Variants in SMYD4 observed in about 807,000 individuals in gnomAD.
SMYD4 encodes protein-lysine N-methyltransferase SMYD4.
Under a neutral mutation model 72.8 loss-of-function variants are expected in SMYD4, and 68 were observed. The observed-to-expected ratio is 0.93, with a 90% CI of 0.77 to 1.14. The LOEUF (loss-of-function observed/expected upper bound fraction) is 1.14, where lower values mean the gene tolerates loss of function less well. Ranked by LOEUF, SMYD4 falls within the 50% of genes most tolerant of loss-of-function variation. The pLI, the probability that SMYD4 is intolerant of heterozygous loss-of-function variation, is 0.00. For missense variants in SMYD4, 984 were observed against 1,003.7 expected (o/e 0.98, Z 0.27); for synonymous variants, 407 against 388.6 (o/e 1.05, Z -0.56).
chr17:1,781,039 C>T lies in SMYD4; in HGVS notation c.*247G>A. 3.0e-6 allele frequency: 1 copy of T among 328,100 alleles called. No homozygotes were observed. Among genetic ancestry groups the T allele is most frequent in the Non-Finnish European group, 5.6e-6 (1 of 178,772 alleles). 20.3% of individuals were successfully genotyped at this position (328,100 alleles called of 1,614,324 possible). A position where few individuals can be genotyped will look rare whatever the true frequency, so the allele number is the denominator to read the frequency against. On this transcript the variant is annotated 3_prime_UTR_variant, in exon 11 of 11. Coordinates refer to ENST00000305513, the MANE Select transcript of SMYD4 (RefSeq NM_052928.3). ...GGTTCAAGAGATTCTCCTGCCTCAG[C>T]CTCCCAAGTAGCTGGGATTACAGGT...
intron 2 of SMYD4, among the ~76,000 whole-genome samples, chr17:1,821,860 G>A (rs1475085204): frequency 2.6e-5 from 4 of 151,928 alleles, no homozygotes; most frequent in Non-Finnish European, 5.9e-5. Flanking sequence ...GAACCTGGGA[G>A]GCAGAGGTTG....
At chr17:1,811,347 A>T (rs565478712) in intron 3 of SMYD4, among the ~76,000 whole-genome samples, 2 of 152,156 alleles carry the variant, frequency 1.3e-5, no homozygotes, top group South Asian at 2.1e-4. Context: ...AGGCTAATTT[A>T]AAAAAAATTT....
chr17:1,827,095 G>GT (rs1313953240), intron 2 of SMYD4, among the ~76,000 whole-genome samples: 1 of 152,164 alleles, frequency 6.6e-6, no homozygotes, highest in Non-Finnish European at 1.5e-5. Flanking sequence ...GGAGATTGCA[G>GT]TGAGCTGAGA....
chr17:1,815,494 C>A (rs1169767259), intron 2 of SMYD4, among the ~76,000 whole-genome samples: 2 of 133,950 alleles, frequency 1.5e-5, no homozygotes, highest in African/African-American at 5.6e-5. Flanking sequence ...GTCACTGCAT[C>A]CAGCCGATTC....
Position 1,783,161 on chromosome 17 carries a change from G to A in SMYD4, c.2138-3C>T. 6.2e-7 allele frequency: 1 copy of A among 1,614,044 alleles called. No individual in the cohort carries two copies. The highest frequency in any genetic ancestry group is 8.5e-7 in the Non-Finnish European group (1 of 1,180,002). ...GGTGGCTGACTTTTGCCAGTCTCCTGTGAGAAGAGAAAAATCTTGTTCCAG... is the reference window on the plus strand; with the variant it reads ...GGTGGCTGACTTTTGCCAGTCTCCTATGAGAAGAGAAAAATCTTGTTCCAG... On this transcript the variant is annotated splice_polypyrimidine_tract_variant and splice_region_variant and intron_variant, in intron 9 of 10. Transcript: ENST00000305513.
Position 1,787,442 on chromosome 17 carries a change from TG to T in SMYD4, c.1699del (p.Gln567LysfsTer23), listed in dbSNP as rs1196917121. The T allele has an allele frequency of 2.6e-6, 4 of 1,558,358 alleles. No homozygotes were observed. The African/African-American group carries it at 5.4e-5, about 21-fold the overall frequency. ...IRASQRIRKGQEILHCYGPHK... is the reference protein window; with the variant it reads ...IRASQRIRKGXEILHCYGPHK... ...CTCACCATAGCAGTGGAGAATCTCT[TG>T]CCCCTTTCTAATCCGCTGTGACGCC... On this transcript the variant is annotated frameshift_variant, in exon 6 of 11. Transcript: ENST00000305513. LOFTEE classifies it high-confidence loss of function.
chr17:1,799,850 C>T lies in SMYD4; in HGVS notation c.1537+7G>A, dbSNP rs373718942. The stretch of plus-strand genomic sequence containing the variant: ...TTGAAAAGCAGGAACATCAGGTTCC[C>T]TCTTACCTGTGTGTTGTATGGTGGT... On this transcript the variant is annotated splice_region_variant and intron_variant, in intron 5 of 10. Coordinates refer to ENST00000305513, the MANE Select transcript of SMYD4 (RefSeq NM_052928.3). The T allele has an allele frequency of 4.5e-6, 7 of 1,570,780 alleles. No individual in the cohort carries two copies. The African/African-American group carries it at 8.1e-5, about 18-fold the overall frequency.
intron 2 of SMYD4, among the ~76,000 whole-genome samples, chr17:1,819,272 G>A (rs753925064): frequency 1.3e-5 from 2 of 152,132 alleles, no homozygotes; most frequent in Non-Finnish European, 2.9e-5. Context: ...CAGGAGAATC[G>A]CTTGAATACG....
chr17:1,786,641 T>C (rs564657131), intron 7 of SMYD4, among the ~76,000 whole-genome samples, 169 bp downstream of exon 7: 1 of 152,346 alleles, frequency 6.6e-6, no homozygotes, highest in East Asian at 1.9e-4. Flanking sequence ...CCTTTCCCTG[T>C]GGTTTCTCTG....
At chr17:1,817,864 G>A (rs569356221) in intron 2 of SMYD4, among the ~76,000 whole-genome samples, 18 of 152,024 alleles carry the variant, frequency 1.2e-4, no homozygotes, top group African/African-American at 3.6e-4. Flanking sequence ...TGGCTAACAT[G>A]GTGAAACCCC....
At chr17:1,817,667 TA>T (rs1276450186) in intron 2 of SMYD4, among the ~76,000 whole-genome samples, 5 of 152,208 alleles carry the variant, frequency 3.3e-5, no homozygotes, top group Admixed American at 6.6e-5. Context: ...AAGTACAGTT[TA>T]TTTTTTTTGT....
intron 7 of SMYD4, among the ~76,000 whole-genome samples, chr17:1,785,417 ACT>A (rs749947917): frequency 1.6e-5 from 2 of 123,228 alleles, no homozygotes; most frequent in East Asian, 4.8e-4. Context: ...CATGAGAGAG[ACT>A]CTGTCTCACA....
chr17:1,827,933 G>A lies in SMYD4; in HGVS notation c.62C>T (p.Thr21Met), dbSNP rs753496607. Residue 21 changes from threonine to methionine, a missense_variant, in exon 2 of 11, where the codon ACG (threonine) becomes ATG (methionine). Thr to Met is a moderately conservative substitution (Grantham distance 81, BLOSUM62 -1). Coordinates refer to ENST00000305513, the MANE Select transcript of SMYD4 (RefSeq NM_052928.3). ...YLLQKWASLP[T>M]SVQVTISTAE... Reference sequence around the variant, plus strand: ...TGTAGAAATTGTGACCTGAACAGACGTCGGGAGTGAAGCCCACTTTTGAAG... The same window carrying A: ...TGTAGAAATTGTGACCTGAACAGACATCGGGAGTGAAGCCCACTTTTGAAG... 14 of 1,613,518 alleles carry A rather than the reference G, an allele frequency of 8.7e-6. No individual in the cohort carries two copies. The highest frequency in any genetic ancestry group is 5.3e-5 in the African/African-American group (4 of 74,906).
chr17:1,784,225 T>C, intron 8 of SMYD4, 101 bp downstream of exon 8: 1 of 1,535,618 alleles, frequency 6.5e-7, no homozygotes, highest in Non-Finnish European at 8.8e-7. Context: ...GATAATTACA[T>C]CCAATTCTCC....
At chr17:1,790,931 C>T (rs966639683) in intron 5 of SMYD4, among the ~76,000 whole-genome samples, 11 of 151,140 alleles carry the variant, frequency 7.3e-5, no homozygotes, top group African/African-American at 2.2e-4. Flanking sequence ...TCGAGACCTT[C>T]CTGGCTAACA....
rs938750056 is a variant in SMYD4, at chr17:1,800,421, G to A, written c.973C>T (p.Gln325Ter). 1.1e-5 allele frequency: 17 copies of A among 1,614,172 alleles called. No individual in the cohort carries two copies. The highest frequency in any genetic ancestry group is 1.4e-5 in the Non-Finnish European group (16 of 1,180,042). Reference sequence around the variant, plus strand: ...GTCCTGTGGTAGAGCTCCCAGGCCTGCTGCAAACACTCCTGGCTGCAATAC... The same window carrying A: ...GTCCTGTGGTAGAGCTCCCAGGCCTACTGCAAACACTCCTGGCTGCAATAC... ...AKYCSQECLQ[Q>*]AWELYHRTEC... The change falls in exon 5 of 11, where the codon CAG becomes TAG. Residue 325 changes from glutamine to a stop codon, truncating the protein, a stop_gained. Transcript: ENST00000305513. LOFTEE classifies it high-confidence loss of function.
At chr17:1,818,983 G>T (rs1910765594) in intron 2 of SMYD4, among the ~76,000 whole-genome samples, 1 of 151,650 alleles carries the variant, frequency 6.6e-6, no homozygotes, top group South Asian at 2.1e-4. Context: ...TTTTTTTAAA[G>T]ATTCAACACC....
intron 3 of SMYD4, 119 bp from the exon 4 acceptor site, chr17:1,804,834 C>T: frequency 1.1e-6 from 1 of 913,780 alleles, no homozygotes; most frequent in Non-Finnish European, 1.7e-6. Flanking sequence ...GTTACTGAAC[C>T]TCTTTGTGCT....
chr17:1,814,602 G>C (rs1340083133), intron 2 of SMYD4: 1 of 152,114 alleles, frequency 6.6e-6, no homozygotes, highest in Non-Finnish European at 1.5e-5. Flanking sequence ...GAGGTGGGCA[G>C]GTCACCTGGT....
Sources: gnomAD v4.1 joint callset for allele counts (sites outside exome capture counted in the v4.1 genomes callset) on GRCh38, gnomAD v4.1.1 for gene constraint, MANE v1.5 for transcripts, NCBI Gene and HGNC (gene_info 2026-07-23, HGNC 2026-07-21) for gene names.